Variants in LDB3 observed in about 807,000 individuals in gnomAD.
LDB3 encodes the protein LIM domain binding 3.
LDB3 carries 49 observed loss-of-function variants against 69.0 expected under a neutral mutation model. The ratio of observed to expected loss-of-function variants is 0.71; its 90% confidence interval spans 0.56 to 0.90. The LOEUF is 0.90. Among genes scored for constraint, LDB3 ranks in the 40% least tolerant of loss-of-function variants. The probability of loss-of-function intolerance (pLI) is 0.00; values close to 1 mark genes in which losing one functional copy is unlikely to be tolerated. For missense variants in LDB3, 928 were observed against 974.1 expected (o/e 0.95, Z 0.63); for synonymous variants, 387 against 396.2 (o/e 0.98, Z 0.28).
At chr10:86,724,642 A>T (rs1480944226) in intron 12 of LDB3, among the ~76,000 whole-genome samples, 3 of 151,640 alleles carry the variant, frequency 2.0e-5, no homozygotes, top group East Asian at 1.9e-4. Context: ...ATAAATAAAT[A>T]AAATAAATAG....
chr10:86,715,083 G>T (rs1487133739), intron 9 of LDB3, among the ~76,000 whole-genome samples: 2 of 152,064 alleles, frequency 1.3e-5, no homozygotes, highest in Non-Finnish European at 2.9e-5. Context: ...GGGGAACCAG[G>T]TGGGAAAGAG....
chr10:86,687,523 A>G (rs1439018606), intron 5 of LDB3, among the ~76,000 whole-genome samples: 2 of 152,246 alleles, frequency 1.3e-5, no homozygotes, highest in African/African-American at 4.8e-5. Context: ...TGCTTTTCAC[A>G]GCCTCTGCAT....
At chr10:86,691,032 C>A (rs1020899633) in intron 5 of LDB3, among the ~76,000 whole-genome samples, 1 of 152,192 alleles carries the variant, frequency 6.6e-6, no homozygotes, top group African/African-American at 2.4e-5. Flanking sequence ...GTCCTCTGGT[C>A]CCCCGGCCAG....
Position 86,679,519 on chromosome 10 carries a change from G to C in LDB3, c.245+1G>C. The C allele has an allele frequency of 6.2e-7, 1 of 1,613,802 alleles. No individual in the cohort carries two copies. Among genetic ancestry groups the C allele is most frequent in the South Asian group, 1.1e-5 (1 of 91,090 alleles). ...ACAACTTGAGCCTCACCCTGCAGAA[G>C]TAGGTGGGAGCTCTCCAGAGCAGGG... On this transcript the variant is annotated splice_donor_variant, in intron 3 of 13. Coordinates refer to ENST00000361373, the MANE Select transcript of LDB3 (RefSeq NM_007078.3). LOFTEE classifies it high-confidence loss of function.
At chr10:86,710,833 G>A (rs916294909) in intron 9 of LDB3, among the ~76,000 whole-genome samples, 2 of 152,208 alleles carry the variant, frequency 1.3e-5, no homozygotes, top group African/African-American at 4.8e-5. Context: ...GCTTTTGCCC[G>A]AGACAGAGGC....
Position 86,732,870 on chromosome 10 carries a change from T to A in LDB3, c.2095-17T>A, listed in dbSNP as rs748309696. On this transcript the variant is annotated splice_polypyrimidine_tract_variant and intron_variant, in intron 13 of 13. Transcript: ENST00000361373. The stretch of plus-strand genomic sequence containing the variant: ...CTGTGCCACGTGGGTCTCACGCAGG[T>A]CTGTTCTCTGCTCCAGGTCTGCCAT... 6.2e-7 allele frequency: 1 copy of A among 1,607,152 alleles called. No homozygotes were observed. Among genetic ancestry groups the A allele is most frequent in the South Asian group, 1.1e-5 (1 of 90,706 alleles).
At chr10:86,679,679 C>G (rs1354782988) in intron 3 of LDB3, among the ~76,000 whole-genome samples, 161 bp downstream of exon 3, 2 of 152,200 alleles carry the variant, frequency 1.3e-5, no homozygotes, top group African/African-American at 2.4e-5. Flanking sequence ...AATGAACAGG[C>G]CCAAGTCGCT....
rs142625982 is a variant in LDB3, at chr10:86,716,517, G to A, written c.1422G>A (p.Ser474=). 2.4e-3 allele frequency: 3,789 copies of A among 1,610,926 alleles called. 8 individuals are homozygous for A. Among genetic ancestry groups the A allele is most frequent in the Non-Finnish European group, 2.9e-3 (3,444 of 1,179,244 alleles). Residue 474 remains serine (S), a synonymous_variant, in exon 10 of 14, where the codon TCG becomes TCA. Transcript: ENST00000361373. ...CCCCCAACTATAACCCTGCACCCTC[G>A]GTGGCCTACAGCGGGGGCCCTGCGG... ...SPAPNYNPAP[S]VAYSGGPAEP...
chr10:86,668,965 G>A (rs887096308), intron 2 of LDB3, among the ~76,000 whole-genome samples, 181 bp downstream of exon 2: 2 of 152,180 alleles, frequency 1.3e-5, no homozygotes, highest in African/African-American at 2.4e-5. Flanking sequence ...GGAGCGCGCC[G>A]GCCTGTTATG....
intron 7 of LDB3, among the ~76,000 whole-genome samples, chr10:86,701,778 G>A (rs183057593): frequency 6.6e-6 from 1 of 152,332 alleles, no homozygotes; most frequent in African/African-American, 2.4e-5. Context: ...ACAAGCAGAG[G>A]TGCTGATGAG....
rs183204568 is a variant in LDB3 at position 86,716,048 on chromosome 10, C to T, written c.1232-279C>T. 9.4e-4 allele frequency among the ~76,000 whole-genome samples: 142 copies of T among 151,472 alleles called. 1 individual carries two copies. Among genetic ancestry groups the T allele is most frequent in the African/African-American group, 2.4e-3 (100 of 41,434 alleles). ...CAGGCCTTGGGCAGTCAAGGCCTGG[C>T]GGAGCCCCACCCTGCACAGCTGCAA... On this transcript the variant is annotated intron_variant, in intron 9 of 13. Coordinates refer to ENST00000361373, the MANE Select transcript of LDB3 (RefSeq NM_007078.3).
Position 86,699,648 on chromosome 10 carries a change from A to C in LDB3, c.897-6883A>C. 1 of 1,321,154 alleles carries C rather than the reference A, an allele frequency of 7.6e-7. No homozygotes were observed. The highest frequency in any genetic ancestry group is 9.7e-7 in the Non-Finnish European group (1 of 1,026,542). 81.8% of individuals were successfully genotyped at this position (1,321,154 alleles called of 1,614,324 possible). A position where few individuals can be genotyped will look rare whatever the true frequency, so the allele number is the denominator to read the frequency against. ...TAGCCCAATCCCCTGCCCTCTGCACAGGGCCTTAGCTGTAGACCAGAGAGG... is the reference window on the plus strand; with the variant it reads ...TAGCCCAATCCCCTGCCCTCTGCACCGGGCCTTAGCTGTAGACCAGAGAGG... On this transcript the variant is annotated intron_variant, in intron 7 of 13. Coordinates refer to ENST00000361373, the MANE Select transcript of LDB3 (RefSeq NM_007078.3). The surrounding 1 kb of genome is among the most constrained non-coding windows in gnomAD (Gnocchi z 4.9).
chr10:86,707,767 T>G (rs1192065786), intron 8 of LDB3, among the ~76,000 whole-genome samples: 1 of 152,166 alleles, frequency 6.6e-6, no homozygotes, highest in Non-Finnish European at 1.5e-5. Context: ...ATCCCGGGCT[T>G]CACATTAACC....
chr10:86,710,102 G>A (rs1341142890), intron 9 of LDB3, 52 bp downstream of exon 9: 2 of 1,600,730 alleles, frequency 1.2e-6, no homozygotes. Flanking sequence ...GCGGGCTCCA[G>A]GAGCCACAAG....
Position 86,716,514 on chromosome 10 carries a change from C to T in LDB3, c.1419C>T (p.Pro473=), listed in dbSNP as rs751870715. ...CTGCCCCCAACTATAACCCTGCACCCTCGGTGGCCTACAGCGGGGGCCCTG... is the reference window on the plus strand; with the variant it reads ...CTGCCCCCAACTATAACCCTGCACCTTCGGTGGCCTACAGCGGGGGCCCTG... The part of the protein sequence containing the change: ...PSPAPNYNPA[P]SVAYSGGPAE... The change falls in exon 10 of 14, where the codon CCC becomes CCT. Residue 473 remains proline, a synonymous_variant. Transcript: ENST00000361373. 19 of 1,613,174 alleles carry T rather than the reference C, an allele frequency of 1.2e-5. No individual in the cohort carries two copies. The highest frequency in any genetic ancestry group is 2.2e-5 in the South Asian group (2 of 91,012).
chr10:86,701,858 T>C (rs907855140), intron 7 of LDB3, among the ~76,000 whole-genome samples: 1 of 152,210 alleles, frequency 6.6e-6, no homozygotes, highest in African/African-American at 2.4e-5. Flanking sequence ...ATGTCATGGT[T>C]AGTAGTGGTC....
At chr10:86,708,343 C>T (rs1846520849) in intron 8 of LDB3, among the ~76,000 whole-genome samples, 3 of 152,298 alleles carry the variant, frequency 2.0e-5, no homozygotes, top group Non-Finnish European at 2.9e-5. Flanking sequence ...TGGGGTGGAG[C>T]GGGAGGTGGG....
chr10:86,693,056 G>A (rs1845842402), intron 7 of LDB3, among the ~76,000 whole-genome samples: 1 of 152,020 alleles, frequency 6.6e-6, no homozygotes, highest in Admixed American at 6.6e-5. Context: ...TACCAGTTCT[G>A]TAAGTTGCTC....
At chr10:86,727,905 A>T (rs1269889593) in intron 13 of LDB3, among the ~76,000 whole-genome samples, 1 of 149,846 alleles carries the variant, frequency 6.7e-6, no homozygotes, top group African/African-American at 2.5e-5. Flanking sequence ...TGGCGTGATC[A>T]CAGCTCACGG....
Sources: allele counts gnomAD v4.1 joint callset (sites outside exome capture counted in the v4.1 genomes callset), GRCh38; gene constraint gnomAD v4.1.1; non-coding constraint Gnocchi (gnomAD v3.1); transcripts MANE v1.5; gene names NCBI Gene and HGNC (gene_info 2026-07-23, HGNC 2026-07-21).